The following FARP2 variants were observed in gnomAD, a reference collection of about 807,000 sequenced individuals.
The protein encoded by FARP2 is FERM, ARHGEF and pleckstrin domain-containing protein 2.
In FARP2, 111 loss-of-function variants were observed where a neutral mutation model predicts 130.5. That is an observed-to-expected ratio of 0.85 (90% CI 0.73 to 1.00). The LOEUF (loss-of-function observed/expected upper bound fraction) is 1.00, where lower values mean the gene tolerates loss of function less well. Among genes scored for constraint, FARP2 ranks in the 50% least tolerant of loss-of-function variants. FARP2 has a pLI of 0.00. For synonymous variants in FARP2, 504 were observed against 516.9 expected (o/e 0.98, Z 0.34); for missense variants, 1,385 against 1,346.3 (o/e 1.03, Z -0.45).
chr2:241,417,785 T>G (rs2150372545), intron 7 of FARP2, among the ~76,000 whole-genome samples, 177 bp from the exon 8 acceptor site: 1 of 152,306 alleles, frequency 6.6e-6, no homozygotes, highest in South Asian at 2.1e-4. Context: ...GAGGATGTCT[T>G]TGGCCTGCAC....
At chr2:241,378,270 A>AT (rs141659095) in intron 2 of FARP2, among the ~76,000 whole-genome samples, 135 of 141,568 alleles carry the variant, frequency 9.5e-4, no homozygotes, top group South Asian at 1.3e-3. Context: ...CCCGGCTAAT[A>AT]TTTTTTTTTT....
chr2:241,456,918 A>G lies in FARP2; in HGVS notation c.1583A>G (p.His528Arg), dbSNP rs762104560. 1.4e-5 allele frequency: 23 copies of G among 1,593,478 alleles called. No individual in the cohort carries two copies. The highest frequency in any genetic ancestry group is 3.4e-4 in the Middle Eastern group (2 of 5,938). ...GAGMDCEEPR[H>R]KRVPADEAYF... Reference sequence around the variant, plus strand: ...GGGATGGACTGCGAGGAGCCCAGACACAAGGTGGGCCCCTCGAGGCTGAGA... The same window carrying G: ...GGGATGGACTGCGAGGAGCCCAGACGCAAGGTGGGCCCCTCGAGGCTGAGA... Residue 528 changes from histidine (H) to arginine (R), a missense_variant, in exon 14 of 27, where the codon CAC becomes CGC. Coordinates refer to ENST00000264042, the MANE Select transcript of FARP2 (RefSeq NM_014808.4).
At chr2:241,462,458 C>A in intron 14 of FARP2, 65 bp from the exon 15 acceptor site, 1 of 1,142,642 alleles carries the variant, frequency 8.8e-7, no homozygotes, top group Non-Finnish European at 1.3e-6. Context: ...CAACTTCAGG[C>A]TCCCTGAGCG....
At chr2:241,407,721 A>G in intron 5 of FARP2, 106 bp downstream of exon 5, 1 of 846,410 alleles carries the variant, frequency 1.2e-6, no homozygotes, top group Non-Finnish European at 1.9e-6. Context: ...CCTGATATAC[A>G]CAGAAAAGTG....
At chr2:241,483,967 A>G (rs1383694208) in intron 20 of FARP2, 2 of 1,308,122 alleles carry the variant, frequency 1.5e-6, no homozygotes, top group Non-Finnish European at 2.0e-6. Flanking sequence ...TGAGGAGGTA[A>G]CTGAGTCAGC....
At chr2:241,483,808 A>C (rs927401819) in intron 20 of FARP2, 1 of 985,458 alleles carries the variant, frequency 1.0e-6, no homozygotes, top group Non-Finnish European at 1.2e-6. Context: ...AGAAGCCAAA[A>C]GATTGTAAAG....
At chr2:241,403,171 TATATA>T (rs1409463390) in intron 2 of FARP2, among the ~76,000 whole-genome samples, 1 of 151,874 alleles carries the variant, frequency 6.6e-6, no homozygotes, top group Non-Finnish European at 1.5e-5. Context: ...ACTGGGATCT[TATATA>T]AATAAAGACT....
chr2:241,427,614 C>T (rs535887786), intron 8 of FARP2, among the ~76,000 whole-genome samples: 10 of 152,190 alleles, frequency 6.6e-5, no homozygotes, highest in African/African-American at 2.4e-4. Context: ...GGAACCAATC[C>T]CCTACAGATA....
chr2:241,422,124 A>C (rs1044113823), intron 8 of FARP2, among the ~76,000 whole-genome samples: 2 of 148,176 alleles, frequency 1.3e-5, no homozygotes, highest in Admixed American at 1.3e-4. Flanking sequence ...CACCCTGGGC[A>C]ACAGAGCGAG....
At position 241,436,552 on chromosome 2, in the gene FARP2, G is replaced by A. The variant is rs377318063; in HGVS notation, c.1158+14G>A. On this transcript the variant is annotated intron_variant, in intron 12 of 26. Transcript: ENST00000264042. ...CTACCAAAACAGGTTAGTCTCTTCC[G>A]GTTCAACATGGGGGCAGTAGGAGTT... is the stretch of plus-strand genomic sequence containing the variant. 6.8e-6 allele frequency: 11 copies of A among 1,611,076 alleles called. No homozygotes were observed. The highest frequency in any genetic ancestry group is 2.2e-5 in the East Asian group (1 of 44,888).
At chr2:241,397,143 G>A (rs6751423) in intron 2 of FARP2, among the ~76,000 whole-genome samples, 2,487 of 152,164 alleles carry the variant, frequency 0.016, 45 homozygotes, top group African/African-American at 0.043. Context: ...GTGAGAACAC[G>A]TGGACACAGG....
chr2:241,403,010 C>T (rs1440116952), intron 2 of FARP2, among the ~76,000 whole-genome samples: 1 of 141,224 alleles, frequency 7.1e-6, no homozygotes, highest in Non-Finnish European at 1.5e-5. Context: ...GGATTACAGG[C>T]GTGATCCCAC....
intron 14 of FARP2, among the ~76,000 whole-genome samples, chr2:241,461,286 C>G (rs1455754456): frequency 3.3e-5 from 5 of 152,168 alleles, no homozygotes; most frequent in African/African-American, 1.2e-4. Context: ...CTCCGCGCCC[C>G]CCAAGCCAGT....
At chr2:241,453,627 A>AT (rs1423627236) in intron 13 of FARP2, among the ~76,000 whole-genome samples, 2 of 151,960 alleles carry the variant, frequency 1.3e-5, no homozygotes, top group Non-Finnish European at 2.9e-5. Context: ...GTCTCAAAAA[A>AT]AAAAAAAGTA....
intron 8 of FARP2, among the ~76,000 whole-genome samples, chr2:241,421,434 GA>G (rs1309088096): frequency 6.6e-6 from 1 of 152,214 alleles, no homozygotes; most frequent in Non-Finnish European, 1.5e-5. Flanking sequence ...CACTGGCTTG[GA>G]ATTCTAGCCA....
intron 1 of FARP2, among the ~76,000 whole-genome samples, chr2:241,364,484 A>T (rs934210007): frequency 7.2e-5 from 11 of 152,246 alleles, no homozygotes; most frequent in Admixed American, 3.3e-4. Context: ...GTGAGATAAT[A>T]AAAGGCTGTT....
intron 13 of FARP2, chr2:241,445,396 A>T (rs2150424547): frequency 6.6e-6 from 1 of 152,336 alleles, no homozygotes; most frequent in Non-Finnish European, 1.5e-5. Context: ...ATGGCTTTAG[A>T]ACCATAAGGA....
At chr2:241,479,582 C>A (rs564213691) in intron 19 of FARP2, among the ~76,000 whole-genome samples, 15 of 152,256 alleles carry the variant, frequency 9.9e-5, no homozygotes, top group African/African-American at 3.6e-4. Context: ...CAGCCTGGGA[C>A]AGTCAAGGCT....
chr2:241,376,991 T>C (rs1040002566), intron 2 of FARP2, among the ~76,000 whole-genome samples: 2 of 152,226 alleles, frequency 1.3e-5, no homozygotes, highest in Admixed American at 6.5e-5. Flanking sequence ...GAAAGTTAGA[T>C]TTGGTTAACA....
Sources: allele counts gnomAD v4.1 joint callset (sites outside exome capture counted in the v4.1 genomes callset), GRCh38; gene constraint gnomAD v4.1.1; transcripts MANE v1.5; gene names NCBI Gene and HGNC (gene_info 2026-07-23, HGNC 2026-07-21).